RALGPS1: variants seen among roughly 807,000 people sequenced by gnomAD.
RALGPS1 encodes the protein ras-specific guanine nucleotide-releasing factor RalGPS1.
Under a neutral mutation model 78.8 loss-of-function variants are expected in RALGPS1, and 19 were observed. The ratio of observed to expected loss-of-function variants is 0.24; its 90% confidence interval spans 0.17 to 0.35. The LOEUF (loss-of-function observed/expected upper bound fraction) is 0.35, where lower values mean the gene tolerates loss of function less well. Among genes scored for constraint, RALGPS1 ranks in the 10% least tolerant of loss-of-function variants. The pLI is 1.00. For synonymous variants in RALGPS1, 228 were observed against 256.3 expected, an observed-to-expected ratio of 0.89 and a Z score of 1.06; for missense variants, 454 against 688.3, an observed-to-expected ratio of 0.66 and a Z score of 3.81.
intron 5 of RALGPS1, among the ~76,000 whole-genome samples, chr9:127,045,037 C>T (rs1290683337): frequency 3.3e-5 from 5 of 151,996 alleles, no homozygotes; most frequent in Non-Finnish European, 7.4e-5. Flanking sequence ...TTTGTCAGGG[C>T]TTTGGAAAGG....
At chr9:127,210,407 G>A in intron 14 of RALGPS1, 1 of 462,794 alleles carries the variant, frequency 2.2e-6, no homozygotes, top group Non-Finnish European at 3.9e-6. Context: ...GGCGTGCCTG[G>A]ATTTTAATCA....
intron 4 of RALGPS1, among the ~76,000 whole-genome samples, chr9:127,025,538 C>A (rs896666918): frequency 2.6e-5 from 4 of 152,158 alleles, no homozygotes; most frequent in African/African-American, 9.7e-5. Context: ...CTGGTATTGT[C>A]ACTTATGTGT....
At chr9:127,048,902 C>G (rs1428495213) in intron 5 of RALGPS1, among the ~76,000 whole-genome samples, 1 of 152,150 alleles carries the variant, frequency 6.6e-6, no homozygotes, top group Non-Finnish European at 1.5e-5. Context: ...ACTGAGAAAA[C>G]ATTTCTATAA....
intron 8 of RALGPS1, among the ~76,000 whole-genome samples, chr9:127,153,714 G>A (rs1441196704): frequency 6.6e-6 from 1 of 152,226 alleles, no homozygotes; most frequent in African/African-American, 2.4e-5. Flanking sequence ...ATGCTTTCCT[G>A]CCACTTCGGC....
At chr9:127,116,318 G>A (rs979039704) in intron 8 of RALGPS1, among the ~76,000 whole-genome samples, 1 of 152,056 alleles carries the variant, frequency 6.6e-6, no homozygotes, top group Admixed American at 6.5e-5. Flanking sequence ...AGATCATAGG[G>A]TAGAGGGGGA....
intron 6 of RALGPS1, among the ~76,000 whole-genome samples, chr9:127,052,264 T>G (rs925417400): frequency 2.0e-5 from 3 of 152,234 alleles, no homozygotes; most frequent in Non-Finnish European, 2.9e-5. Flanking sequence ...AGCAGTCGCA[T>G]TTTTCTGCAC....
chr9:126,941,255 A>G (rs1239515025), intron 1 of RALGPS1, among the ~76,000 whole-genome samples: 2 of 152,114 alleles, frequency 1.3e-5, no homozygotes, highest in African/African-American at 4.8e-5. Context: ...ATAGCACAAC[A>G]GGGTGATTGT....
rs565974225 is a variant in RALGPS1, at chr9:127,061,227, G to C, written c.484-8003G>C. Among the ~76,000 whole-genome samples, 3 of 152,328 alleles carry C rather than the reference G, an allele frequency of 2.0e-5. No homozygotes were observed. The East Asian group carries it at 5.8e-4, about 29-fold the overall frequency. On this transcript the variant is annotated intron_variant, in intron 7 of 18. Coordinates refer to ENST00000259351, the MANE Select transcript of RALGPS1 (RefSeq NM_014636.3). ...ACAAACCATACACCTTTCAGCTGTGGCCAGCAGTGCATCTGCTACCACCAG... is the reference window on the plus strand; with the variant it reads ...ACAAACCATACACCTTTCAGCTGTGCCCAGCAGTGCATCTGCTACCACCAG...
intron 4 of RALGPS1, among the ~76,000 whole-genome samples, chr9:126,982,809 TTTCTTCCTCCTTCTTCTTCC>T (rs2041380565): frequency 7.5e-6 from 1 of 132,820 alleles, no homozygotes; most frequent in Middle Eastern, 3.5e-3. Flanking sequence ...TTCTTCCTTC[TTTCTTCCTCCTTCTTCTTCC>T]TCTTCTTCTT....
chr9:126,989,189 G>T (rs1348013378), intron 4 of RALGPS1, among the ~76,000 whole-genome samples: 1 of 152,204 alleles, frequency 6.6e-6, no homozygotes, highest in Non-Finnish European at 1.5e-5. Flanking sequence ...AAATAATGGA[G>T]GGAGGAGGAT....
At chr9:127,004,536 A>G (rs550903117) in intron 4 of RALGPS1, among the ~76,000 whole-genome samples, 1 of 152,324 alleles carries the variant, frequency 6.6e-6, no homozygotes, top group Non-Finnish European at 1.5e-5. Context: ...AAGTGCTACT[A>G]CTTATGTCTG....
At chr9:127,062,695 C>T (rs1400781157) in intron 7 of RALGPS1, among the ~76,000 whole-genome samples, 1 of 152,178 alleles carries the variant, frequency 6.6e-6, no homozygotes, top group African/African-American at 2.4e-5. Flanking sequence ...TACAAATTAA[C>T]TTCTGTCTGT....
chr9:127,025,582 C>A (rs2045893875), intron 4 of RALGPS1, among the ~76,000 whole-genome samples: 1 of 152,190 alleles, frequency 6.6e-6, no homozygotes, highest in African/African-American at 2.4e-5. Flanking sequence ...ATGTGGTGTC[C>A]ATTGTCATTT....
At chr9:127,030,975 C>T (rs998250608) in intron 4 of RALGPS1, among the ~76,000 whole-genome samples, 1 of 152,220 alleles carries the variant, frequency 6.6e-6, no homozygotes, top group Non-Finnish European at 1.5e-5. Context: ...TGCACAGGCT[C>T]TTAGTCCCCT....
At chr9:127,093,969 AC>A in intron 8 of RALGPS1, 1 of 1,584,348 alleles carries the variant, frequency 6.3e-7, no homozygotes, top group East Asian at 2.3e-5. Context: ...CCTGCCTGTC[AC>A]CAGGCCGCAC....
intron 4 of RALGPS1, among the ~76,000 whole-genome samples, chr9:126,986,661 T>C (rs2041830206): frequency 6.6e-6 from 1 of 152,228 alleles, no homozygotes. Flanking sequence ...AGTTTTAGCA[T>C]GGAGCAGCAT....
intron 4 of RALGPS1, among the ~76,000 whole-genome samples, chr9:127,021,961 C>A (rs894509584): frequency 6.6e-6 from 1 of 152,058 alleles, no homozygotes; most frequent in African/African-American, 2.4e-5. Context: ...AAATTTGCAT[C>A]ATCTTCCTGA....
chr9:126,945,567 C>T (rs1342357256), intron 1 of RALGPS1, among the ~76,000 whole-genome samples: 1 of 152,160 alleles, frequency 6.6e-6, no homozygotes, highest in African/African-American at 2.4e-5. Flanking sequence ...AGAAGTCTTC[C>T]TCAGGCACCT....
chr9:126,956,247 G>C (rs3120026), intron 1 of RALGPS1, among the ~76,000 whole-genome samples: 68 of 152,030 alleles, frequency 4.5e-4, no homozygotes, highest in Non-Finnish European at 7.2e-4. Context: ...CTGTTCTCAG[G>C]GCGGGGCTAG....
Sources: allele counts gnomAD v4.1 joint callset (sites outside exome capture counted in the v4.1 genomes callset), GRCh38; gene constraint gnomAD v4.1.1; transcripts MANE v1.5; gene names NCBI Gene and HGNC (gene_info 2026-07-23, HGNC 2026-07-21).